DHRSX: variants seen among roughly 807,000 people sequenced by gnomAD.
DHRSX encodes the protein dehydrogenase/reductase X-linked, also known as polyprenol dehydrogenase.
Under a neutral mutation model 34.0 loss-of-function variants are expected in DHRSX, and 31 were observed. The ratio of observed to expected loss-of-function variants is 0.91; its 90% CI spans 0.69 to 1.23. The LOEUF is 1.23. Among genes scored for constraint, DHRSX ranks in the 50% most tolerant of loss-of-function variants. The probability of loss-of-function intolerance (pLI) is 0.00; values close to 1 mark genes in which losing one functional copy is unlikely to be tolerated. For synonymous variants in DHRSX, 201 were observed against 183.8 expected (o/e 1.09, Z -0.76); for missense variants, 414 against 428.1 (o/e 0.97, Z 0.29).
At chrX:2,322,409 C>T (rs1307938166) in intron 3 of DHRSX, among the ~76,000 whole-genome samples, 1 of 151,720 alleles carries the variant, frequency 6.6e-6, no homozygotes, top group African/African-American at 2.4e-5. Flanking sequence ...ATTAGCTGGG[C>T]GTGGTGGCGT....
At chrX:2,309,210 G>A (rs1377754609) in intron 3 of DHRSX, among the ~76,000 whole-genome samples, 1 of 152,128 alleles carries the variant, frequency 6.6e-6, no homozygotes, top group Admixed American at 6.6e-5. Flanking sequence ...TGAGTGCAGA[G>A]GGTATTTTAG....
At chrX:2,225,419 C>T (rs930108783) in intron 6 of DHRSX, among the ~76,000 whole-genome samples, 6 of 152,126 alleles carry the variant, frequency 3.9e-5, no homozygotes, top group African/African-American at 1.2e-4. Context: ...CATTCACATA[C>T]TCATTCACAT....
At chrX:2,466,881 C>T (rs1257565851) in intron 1 of DHRSX, among the ~76,000 whole-genome samples, 1 of 152,000 alleles carries the variant, frequency 6.6e-6, no homozygotes, top group Non-Finnish European at 1.5e-5. Flanking sequence ...CCCTGATCAA[C>T]ATGCTGAAAC....
intron 5 of DHRSX, among the ~76,000 whole-genome samples, chrX:2,260,585 G>A (rs1480388581): frequency 6.6e-6 from 1 of 151,568 alleles, no homozygotes; most frequent in Non-Finnish European, 1.5e-5. Flanking sequence ...TCAGCCTCCC[G>A]AGTACCTGGG....
chrX:2,267,053 G>A, intron 4 of DHRSX, 106 bp from the exon 5 acceptor site: 1 of 1,171,690 alleles, frequency 8.5e-7, no homozygotes, highest in Non-Finnish European at 1.3e-6. Context: ...TCGGAGGGTG[G>A]GGTGTAGAGC....
At chrX:2,462,997 T>C (rs1201464419) in intron 1 of DHRSX, among the ~76,000 whole-genome samples, 1 of 152,050 alleles carries the variant, frequency 6.6e-6, no homozygotes, top group African/African-American at 2.4e-5. Flanking sequence ...ATCACTGTCC[T>C]TATAAAAGGA....
chrX:2,453,144 C>T (rs1369722620), intron 1 of DHRSX, among the ~76,000 whole-genome samples: 1 of 152,118 alleles, frequency 6.6e-6, no homozygotes, highest in Non-Finnish European at 1.5e-5. Flanking sequence ...CATATCATCG[C>T]ATATGTAGAA....
At chrX:2,347,134 G>C (rs1467646109) in intron 3 of DHRSX, among the ~76,000 whole-genome samples, 2 of 152,132 alleles carry the variant, frequency 1.3e-5, no homozygotes, top group African/African-American at 2.4e-5. Flanking sequence ...TCTGAGAATG[G>C]GCAATTTAGA....
At chrX:2,331,447 T>TG (rs2042474609) in intron 3 of DHRSX, among the ~76,000 whole-genome samples, 2 of 97,274 alleles carry the variant, frequency 2.1e-5, no homozygotes, top group South Asian at 3.1e-4. Flanking sequence ...TTTTTTTTTT[T>TG]TTTTTTTTTT....
intron 4 of DHRSX, among the ~76,000 whole-genome samples, chrX:2,288,661 T>C (rs1305525009): frequency 6.6e-6 from 1 of 152,230 alleles, no homozygotes; most frequent in Non-Finnish European, 1.5e-5. Context: ...CTGGACTTAC[T>C]GGCTTGAGGT....
At chrX:2,456,362 C>T (rs746022700) in intron 1 of DHRSX, among the ~76,000 whole-genome samples, 1 of 152,112 alleles carries the variant, frequency 6.6e-6, no homozygotes, top group East Asian at 1.9e-4. Flanking sequence ...GCCTGTTATC[C>T]CAGAACTTTG....
At chrX:2,486,189 G>A (rs1318146853) in intron 1 of DHRSX, among the ~76,000 whole-genome samples, 1 of 152,046 alleles carries the variant, frequency 6.6e-6, no homozygotes, top group East Asian at 1.9e-4. Context: ...CCAGCTGCCG[G>A]CTTTATTCAC....
At chrX:2,408,699 A>G (rs1385681953) in intron 3 of DHRSX, 46 bp downstream of exon 3, 1 of 1,436,850 alleles carries the variant, frequency 7.0e-7, no homozygotes, top group East Asian at 2.5e-5. Flanking sequence ...ACCTGTCCCA[A>G]GGAAAAAAAA....
intron 3 of DHRSX, among the ~76,000 whole-genome samples, chrX:2,312,877 G>A (rs2042179990): frequency 6.6e-6 from 1 of 152,078 alleles, no homozygotes; most frequent in South Asian, 2.1e-4. Context: ...CAGATCCAAT[G>A]TGCTTTTACT....
At chrX:2,291,643 C>T in intron 3 of DHRSX, 40 bp from the exon 4 acceptor site, 1 of 1,423,900 alleles carries the variant, frequency 7.0e-7, no homozygotes, top group Non-Finnish European at 9.9e-7. Flanking sequence ...GGTTATCTCC[C>T]AACCTATTTC....
chrX:2,243,310 GCGGCCA>G lies in DHRSX; in HGVS notation c.597-86_597-81del, dbSNP rs1412645166. The G allele has an allele frequency of 3.3e-5, 42 of 1,292,096 alleles. No individual in the cohort carries two copies. The Middle Eastern group carries it at 1.5e-3, about 45-fold the overall frequency. The allele number at this position is 1,292,096 out of a possible 1,614,324, so 80.0% of individuals were successfully genotyped here. A position where few individuals can be genotyped will look rare whatever the true frequency, so the allele number is the denominator to read the frequency against. ...CTTCATCCCAGCAGCATCTGTACCTGCGGCCACGGCCACGTCTATACGCAGCCACCT... is the reference window on the plus strand; with the variant it reads ...CTTCATCCCAGCAGCATCTGTACCTGCGGCCACGTCTATACGCAGCCACCT... On this transcript the variant is annotated intron_variant, in intron 5 of 6. Transcript: ENST00000334651.
intron 1 of DHRSX, among the ~76,000 whole-genome samples, chrX:2,454,918 GCCTGTCCAACATGGAGAAACCCTGTCT>G (rs2044274919): frequency 1.3e-5 from 2 of 151,874 alleles, no homozygotes; most frequent in African/African-American, 4.8e-5. Flanking sequence ...TTCAAGACCA[GCCTGTCCAACATGGAGAAACCCTGTCT>G]CTACTAAAAA....
chrX:2,283,092 G>C (rs1180570859), intron 4 of DHRSX, among the ~76,000 whole-genome samples: 1 of 151,904 alleles, frequency 6.6e-6, no homozygotes, highest in Admixed American at 6.6e-5. Context: ...AAAAGCATTT[G>C]AGTAACTGAA....
intron 4 of DHRSX, among the ~76,000 whole-genome samples, chrX:2,290,433 A>G (rs1417083291): frequency 1.3e-5 from 2 of 152,204 alleles, no homozygotes; most frequent in Non-Finnish European, 2.9e-5. Context: ...TGAAAATGGT[A>G]CGTTAGGTAG....
Sources: gnomAD v4.1 joint callset for allele counts (sites outside exome capture counted in the v4.1 genomes callset) on GRCh38, gnomAD v4.1.1 for gene constraint, MANE v1.5 for transcripts, NCBI Gene and HGNC (gene_info 2026-07-23, HGNC 2026-07-21) for gene names.